Variants in NBAS observed in about 807,000 individuals in gnomAD.
NBAS encodes the protein NBAS subunit of NRZ tethering complex.
NBAS carries 219 observed loss-of-function variants against 302.5 expected under a neutral mutation model. The ratio of observed to expected loss-of-function variants is 0.72; its 90% CI spans 0.65 to 0.81. NBAS has a LOEUF of 0.81. Among genes scored for constraint, NBAS ranks in the 30% least tolerant of loss-of-function variants. The pLI is 0.00. For synonymous variants in NBAS, 1,118 were observed against 1,021.6 expected (o/e 1.09, Z -1.80); for missense variants, 2,932 against 2,841.6 (o/e 1.03, Z -0.72).
chr2:14,936,976 C>CA, the NBAS span, among the ~76,000 whole-genome samples: 229 of 152,044 alleles, frequency 1.5e-3, no homozygotes, highest in African/African-American at 4.7e-3. Flanking sequence ...ATACCATGGG[C>CA]AAAAAATAAT....
At chr2:15,416,168 A>G (rs73200611) in intron 24 of NBAS, among the ~76,000 whole-genome samples, 1,898 of 152,266 alleles carry the variant, frequency 0.012, 35 homozygotes, top group African/African-American at 0.043. Flanking sequence ...AGAGTGAATA[A>G]AAAAAGTAGA....
At chr2:15,249,929 G>A (rs996530594) in intron 44 of NBAS, among the ~76,000 whole-genome samples, 4 of 152,078 alleles carry the variant, frequency 2.6e-5, no homozygotes, top group African/African-American at 7.2e-5. Context: ...TCAAGCTACT[G>A]TTGACTTTCT....
At chr2:15,019,859 C>A in the NBAS span, among the ~76,000 whole-genome samples, 35 of 152,150 alleles carry the variant, frequency 2.3e-4, no homozygotes, top group African/African-American at 8.0e-4. Flanking sequence ...GAAAACGACT[C>A]TGTTAGCACC....
At position 15,478,285 on chromosome 2, in the gene NBAS, C is replaced by G. The variant is rs758016989; in HGVS notation, c.1088G>C (p.Gly363Ala). ...CCAATCAGGATTAAGGTCATCATAG[C>G]CTGGCTAAATATGAAAATAATGACT... Reference protein sequence around the residue: ...QGEWGQNEQPGYDDLNPDWRL... With the variant: ...QGEWGQNEQPAYDDLNPDWRL... Residue 363 changes from glycine (G) to alanine (A), a missense_variant, in exon 13 of 52, where the codon GGC (glycine) becomes GCC (alanine). By Grantham distance (60) the Gly-to-Ala change is moderately conservative. Coordinates refer to ENST00000281513, the MANE Select transcript of NBAS (RefSeq NM_015909.4). The G allele has an allele frequency of 6.2e-7, 1 of 1,609,932 alleles. No individual in the cohort carries two copies. Among genetic ancestry groups the G allele is most frequent in the South Asian group, 1.1e-5 (1 of 90,958 alleles).
chr2:15,016,027 C>T, the NBAS span, among the ~76,000 whole-genome samples: 1 of 151,826 alleles, frequency 6.6e-6, no homozygotes, highest in Non-Finnish European at 1.5e-5. Context: ...ATCCCATTTA[C>T]AATAGCTACC....
chr2:15,138,478 T>G, the NBAS span, among the ~76,000 whole-genome samples: 5 of 152,164 alleles, frequency 3.3e-5, no homozygotes, highest in African/African-American at 1.2e-4. Context: ...GAGCATTTTA[T>G]TCTGCACTAG....
chr2:14,987,087 A>C, the NBAS span, among the ~76,000 whole-genome samples: 1 of 152,188 alleles, frequency 6.6e-6, no homozygotes, highest in African/African-American at 2.4e-5. Flanking sequence ...TACTTTTTTA[A>C]TCCTAGCCTT....
chr2:15,358,396 A>ATGTG (rs147366181), intron 32 of NBAS, among the ~76,000 whole-genome samples: 2 of 151,624 alleles, frequency 1.3e-5, no homozygotes, highest in South Asian at 2.1e-4. Flanking sequence ...GTGTGTGTGT[A>ATGTG]TGTGTGTGTG....
At chr2:15,342,634 A>G (rs1558551457) in intron 35 of NBAS, among the ~76,000 whole-genome samples, 1 of 151,988 alleles carries the variant, frequency 6.6e-6, no homozygotes, top group Non-Finnish European at 1.5e-5. Context: ...CAGAGAATAG[A>G]AAGATCAGAG....
At chr2:15,034,299 A>AGAAAGAAG in the NBAS span, among the ~76,000 whole-genome samples, 2 of 131,264 alleles carry the variant, frequency 1.5e-5, no homozygotes, top group African/African-American at 6.0e-5. Context: ...AAAGAAAGAA[A>AGAAAGAAG]GAAAGATGGA....
the NBAS span, among the ~76,000 whole-genome samples, chr2:14,805,086 A>T: frequency 6.6e-6 from 1 of 152,198 alleles, no homozygotes; most frequent in Non-Finnish European, 1.5e-5. Context: ...AGAAACTACA[A>T]AGACTGAGTC....
chr2:15,522,826 C>T (rs921735630), intron 9 of NBAS, among the ~76,000 whole-genome samples: 2 of 152,162 alleles, frequency 1.3e-5, no homozygotes, highest in African/African-American at 4.8e-5. Flanking sequence ...TTGACCCAAG[C>T]CTTATTGATA....
At position 15,536,525 on chromosome 2, in the gene NBAS, G is replaced by A. The variant is rs202027230; in HGVS notation, c.540C>T (p.Ser180=). 21 of 1,611,302 alleles carry A rather than the reference G, an allele frequency of 1.3e-5. No individual in the cohort carries two copies. In the African/African-American group the frequency reaches 2.1e-4, roughly 16 times the overall value. ...AAAATATCAACCCAGCAATGGCATA[G>A]CTTAAGTCACCTATAAAACTAGATG... The part of the protein sequence containing the change: ...SPASSFIGDL[S]YAIAGLIFLE... The change falls in exon 8 of 52, where the codon AGC becomes AGT. Residue 180 remains serine, a synonymous_variant. Transcript: ENST00000281513.
At chr2:15,087,223 AACACAC>A in the NBAS span, among the ~76,000 whole-genome samples, 429 of 143,244 alleles carry the variant, frequency 3.0e-3, 1 homozygote, top group South Asian at 0.02. Flanking sequence ...TTTTTATACA[AACACAC>A]ACACACACAC....
chr2:14,917,431 C>G, the NBAS span, among the ~76,000 whole-genome samples: 1 of 152,180 alleles, frequency 6.6e-6, no homozygotes, highest in African/African-American at 2.4e-5. Flanking sequence ...ACAGGGTGTA[C>G]AAGCAAGATG....
intron 44 of NBAS, among the ~76,000 whole-genome samples, chr2:15,268,175 A>T (rs1237940838): frequency 6.6e-6 from 1 of 152,240 alleles, no homozygotes; most frequent in Non-Finnish European, 1.5e-5. Context: ...GAGTCCCAAG[A>T]TGTCAAGTAC....
Position 15,189,955 on chromosome 2 carries a change from C to T in NBAS, c.6572+309G>A, listed in dbSNP as rs190837305. Among the ~76,000 whole-genome samples, 12 of 152,128 alleles carry T rather than the reference C, an allele frequency of 7.9e-5. No homozygotes were observed. In the East Asian group the frequency reaches 1.7e-3, roughly 22 times the overall value. On this transcript the variant is annotated intron_variant, in intron 49 of 51. Transcript: ENST00000281513. ...GGATTCTCAAGTTGGCACTGTAAGC[C>T]GTGTCAAGACAGTCAAGAAATTTCC...
At chr2:14,930,749 C>A in the NBAS span, among the ~76,000 whole-genome samples, 1 of 152,178 alleles carries the variant, frequency 6.6e-6, no homozygotes, top group East Asian at 1.9e-4. Flanking sequence ...CAAACAGACT[C>A]TAAAGGACAA....
intron 21 of NBAS, among the ~76,000 whole-genome samples, chr2:15,446,119 C>T (rs890425229): frequency 1.3e-5 from 2 of 150,064 alleles, no homozygotes; most frequent in African/African-American, 4.9e-5. Flanking sequence ...GAAGGAGAAA[C>T]AAGGAAGGGA....
Sources: allele counts gnomAD v4.1 joint callset (sites outside exome capture counted in the v4.1 genomes callset), GRCh38; gene constraint gnomAD v4.1.1; transcripts MANE v1.5; gene names NCBI Gene and HGNC (gene_info 2026-07-23, HGNC 2026-07-21).